PRKG1: variants seen among roughly 807,000 people sequenced by gnomAD.
PRKG1 encodes cGMP-dependent protein kinase 1.
PRKG1 carries 35 observed loss-of-function variants against 88.1 expected under a neutral mutation model. The ratio of observed to expected loss-of-function variants is 0.40; its 90% CI spans 0.30 to 0.53. The LOEUF is 0.53. PRKG1 is among the 20% of genes least tolerant of loss of function. The probability of loss-of-function intolerance (pLI) is 0.59; values close to 1 mark genes in which losing one functional copy is unlikely to be tolerated. For synonymous variants in PRKG1, 303 were observed against 292.5 expected (o/e 1.04, Z -0.37); for missense variants, 540 against 839.8 (o/e 0.64, Z 4.41).
At chr10:52,008,390 G>A (rs917411519) in intron 5 of PRKG1, among the ~76,000 whole-genome samples, 5 of 152,010 alleles carry the variant, frequency 3.3e-5, no homozygotes, top group Non-Finnish European at 7.4e-5. Flanking sequence ...GACTAATAAA[G>A]AGAAGAAGAG....
At chr10:51,011,333 C>G (rs1453405715) in intron 1 of PRKG1, among the ~76,000 whole-genome samples, 1 of 152,070 alleles carries the variant, frequency 6.6e-6, no homozygotes, top group Non-Finnish European at 1.5e-5. Context: ...TAACAGCCCT[C>G]CTGACCACCA....
intron 1 of PRKG1, among the ~76,000 whole-genome samples, chr10:51,012,515 T>G (rs948809348): frequency 5.9e-5 from 9 of 152,192 alleles, no homozygotes; most frequent in Admixed American, 5.9e-4. Flanking sequence ...CAACCACCCA[T>G]GGGCATACAA....
chr10:51,692,689 T>G (rs747484025), intron 3 of PRKG1, among the ~76,000 whole-genome samples: 4 of 152,238 alleles, frequency 2.6e-5, no homozygotes, highest in Non-Finnish European at 5.9e-5. Flanking sequence ...TTGCCCAGGC[T>G]GGTCTTAAAG....
intron 12 of PRKG1, among the ~76,000 whole-genome samples, chr10:52,273,287 A>C (rs976188377): frequency 6.6e-6 from 1 of 151,730 alleles, no homozygotes; most frequent in Non-Finnish European, 1.5e-5. Flanking sequence ...TAATCTTTTG[A>C]TTATTTTCCA....
intron 3 of PRKG1, among the ~76,000 whole-genome samples, chr10:51,611,756 T>G (rs1838915975): frequency 6.6e-6 from 1 of 152,126 alleles, no homozygotes; most frequent in Non-Finnish European, 1.5e-5. Context: ...CCTCTAGTAC[T>G]TTTATAATTT....
intron 4 of PRKG1, among the ~76,000 whole-genome samples, chr10:51,809,961 C>T (rs1315137468): frequency 6.6e-6 from 1 of 152,156 alleles, no homozygotes; most frequent in Non-Finnish European, 1.5e-5. Context: ...TCCTTAGATG[C>T]TCCACAGCCC....
At chr10:51,338,882 C>A (rs758658972) in intron 2 of PRKG1, among the ~76,000 whole-genome samples, 1 of 151,964 alleles carries the variant, frequency 6.6e-6, no homozygotes, top group African/African-American at 2.4e-5. Context: ...AGATATCTAG[C>A]GCAATGCTAA....
intron 2 of PRKG1, among the ~76,000 whole-genome samples, chr10:51,343,601 A>G (rs113010640): frequency 5.3e-5 from 8 of 152,324 alleles, no homozygotes; most frequent in African/African-American, 1.9e-4. Flanking sequence ...GTTTATTTAA[A>G]TATTGACAAT....
intron 5 of PRKG1, among the ~76,000 whole-genome samples, chr10:52,035,019 G>A (rs1845570835): frequency 6.6e-6 from 1 of 152,138 alleles, no homozygotes; most frequent in African/African-American, 2.4e-5. Context: ...GGACCATAAG[G>A]GACATAAAGG....
At chr10:52,287,560 A>T (rs979528488) in intron 14 of PRKG1, among the ~76,000 whole-genome samples, 6 of 152,100 alleles carry the variant, frequency 3.9e-5, no homozygotes, top group African/African-American at 1.4e-4. Flanking sequence ...GAGAGTAATT[A>T]ATTTCCAAAG....
intron 3 of PRKG1, among the ~76,000 whole-genome samples, chr10:51,702,648 T>C (rs1841497607): frequency 6.6e-6 from 1 of 152,202 alleles, no homozygotes; most frequent in Non-Finnish European, 1.5e-5. Flanking sequence ...AAATGGAAAC[T>C]GTCCTTTAAT....
chr10:51,949,163 A>C (rs1357447006), intron 5 of PRKG1, among the ~76,000 whole-genome samples: 1 of 152,168 alleles, frequency 6.6e-6, no homozygotes, highest in African/African-American at 2.4e-5. Context: ...CCATATAAAC[A>C]CTTAAGAAAT....
chr10:51,574,582 A>G (rs557610465), intron 3 of PRKG1, among the ~76,000 whole-genome samples: 3 of 151,952 alleles, frequency 2.0e-5, no homozygotes, highest in Non-Finnish European at 4.4e-5. Flanking sequence ...CTAGAGTTTT[A>G]GACTCATTAC....
At chr10:51,701,906 A>G (rs763825277) in intron 3 of PRKG1, among the ~76,000 whole-genome samples, 2 of 152,130 alleles carry the variant, frequency 1.3e-5, no homozygotes, top group Non-Finnish European at 2.9e-5. Context: ...CTGCTTTATC[A>G]GGTCTGGAGA....
chr10:51,807,971 C>G (rs1007992311), intron 4 of PRKG1, among the ~76,000 whole-genome samples: 2 of 152,026 alleles, frequency 1.3e-5, no homozygotes, highest in Non-Finnish European at 2.9e-5. Context: ...TTCTGAGCTC[C>G]GAAAGCCAGA....
intron 3 of PRKG1, among the ~76,000 whole-genome samples, chr10:51,727,527 C>T (rs1053371098): frequency 3.9e-5 from 6 of 152,020 alleles, no homozygotes; most frequent in Admixed American, 2.0e-4. Flanking sequence ...GAAATTTCTC[C>T]GAGTTAAACC....
chr10:52,240,510 C>T (rs1345705301), intron 9 of PRKG1, among the ~76,000 whole-genome samples: 2 of 151,794 alleles, frequency 1.3e-5, no homozygotes. Flanking sequence ...GAAACAAAAC[C>T]CTATAGATTG....
intron 3 of PRKG1, among the ~76,000 whole-genome samples, chr10:51,781,734 A>G (rs1025906475): frequency 2.0e-5 from 3 of 152,154 alleles, no homozygotes; most frequent in African/African-American, 7.2e-5. Context: ...AGTAGGCTGT[A>G]GCAAGTATGT....
chr10:51,056,993 T>A lies in PRKG1; in HGVS notation c.266+65349T>A, dbSNP rs535368647. 3.9e-5 allele frequency among the ~76,000 whole-genome samples: 6 copies of A among 152,340 alleles called. No homozygotes were observed. In the East Asian group the frequency reaches 1.2e-3, roughly 29 times the overall value. On this transcript the variant is annotated intron_variant, in intron 1 of 17. Transcript: ENST00000401604. ...TTCTTAAGACATATTTCTACTAAAA[T>A]CTTCTTTTCCGATTTCTTGAATGTG... is the stretch of plus-strand genomic sequence containing the variant.
Sources: allele counts gnomAD v4.1 joint callset (sites outside exome capture counted in the v4.1 genomes callset), GRCh38; gene constraint gnomAD v4.1.1; transcripts MANE v1.5; gene names NCBI Gene and HGNC (gene_info 2026-07-23, HGNC 2026-07-21).